Variants in MAMDC2 observed in about 807,000 individuals in gnomAD.
MAMDC2 encodes MAM domain containing 2.
A neutral mutation model predicts 89.8 loss-of-function variants in MAMDC2; 57 were observed. That is an observed-to-expected ratio of 0.63 (90% CI 0.51 to 0.79). The LOEUF (loss-of-function observed/expected upper bound fraction) is 0.79. Among genes scored for constraint, MAMDC2 ranks in the 30% least tolerant of loss-of-function variants. The probability of loss-of-function intolerance (pLI) is 0.00; values close to 1 mark genes in which losing one functional copy is unlikely to be tolerated. For missense variants in MAMDC2, 800 were observed against 820.6 expected (o/e 0.97, Z 0.31); for synonymous variants, 313 against 293.4 (o/e 1.07, Z -0.68).
At chr9:70,212,428 A>G (rs938669526) in intron 11 of MAMDC2, among the ~76,000 whole-genome samples, 2 of 152,262 alleles carry the variant, frequency 1.3e-5, no homozygotes, top group Admixed American at 1.3e-4. Flanking sequence ...CCTCTGAGCC[A>G]GGCACGGGAT....
chr9:70,192,448 C>A (rs1386833190), intron 11 of MAMDC2, among the ~76,000 whole-genome samples: 1 of 152,108 alleles, frequency 6.6e-6, no homozygotes, highest in Admixed American at 6.6e-5. Flanking sequence ...ACAACATATT[C>A]TTCTGTTGAT....
chr9:70,170,108 G>A (rs2032287641), intron 10 of MAMDC2: 1 of 171,792 alleles, frequency 5.8e-6, no homozygotes, highest in Non-Finnish European at 1.2e-5. Context: ...CAGGATTTCT[G>A]AAGAAAGTGC....
chr9:70,096,256 G>A (rs953997347), intron 2 of MAMDC2, among the ~76,000 whole-genome samples: 5 of 151,070 alleles, frequency 3.3e-5, no homozygotes, highest in African/African-American at 7.4e-5. Context: ...GGGCCCAAAC[G>A]ATTCTCCCAC....
chr9:70,046,479 C>T (rs531734176), intron 2 of MAMDC2, among the ~76,000 whole-genome samples: 1 of 152,196 alleles, frequency 6.6e-6, no homozygotes, highest in Non-Finnish European at 1.5e-5. Flanking sequence ...AAGCCAGGAG[C>T]CTTAGTTAGT....
intron 11 of MAMDC2, among the ~76,000 whole-genome samples, chr9:70,207,692 A>G (rs1255017701): frequency 6.6e-6 from 1 of 152,194 alleles, no homozygotes; most frequent in East Asian, 1.9e-4. Flanking sequence ...TGTTTTCGAC[A>G]TGAAGTCCTT....
intron 2 of MAMDC2, among the ~76,000 whole-genome samples, chr9:70,051,653 T>G (rs562282415): frequency 6.6e-6 from 1 of 152,304 alleles, no homozygotes; most frequent in African/African-American, 2.4e-5. Flanking sequence ...TTAGTAGAGG[T>G]GATGGGTATC....
chr9:70,055,782 G>A (rs1587429190), intron 2 of MAMDC2, among the ~76,000 whole-genome samples: 1 of 152,220 alleles, frequency 6.6e-6, no homozygotes, highest in East Asian at 1.9e-4. Context: ...AATCTTGGAA[G>A]AGAACTTCAG....
chr9:70,182,841 C>T (rs1256774360), intron 11 of MAMDC2, among the ~76,000 whole-genome samples: 1 of 152,124 alleles, frequency 6.6e-6, no homozygotes. Flanking sequence ...ACTTTCATGT[C>T]TCTATCTCCT....
At chr9:70,098,525 G>A (rs1828084393) in intron 2 of MAMDC2, among the ~76,000 whole-genome samples, 1 of 152,180 alleles carries the variant, frequency 6.6e-6, no homozygotes, top group Non-Finnish European at 1.5e-5. Context: ...TTGAGGCACT[G>A]CAGTAGAAAA....
intron 7 of MAMDC2, among the ~76,000 whole-genome samples, chr9:70,136,900 C>A (rs972360896): frequency 6.6e-6 from 1 of 152,146 alleles, no homozygotes; most frequent in African/African-American, 2.4e-5. Flanking sequence ...TCATTTTTCA[C>A]AGACTTTATC....
chr9:70,050,278 A>G (rs192118018), intron 2 of MAMDC2, among the ~76,000 whole-genome samples: 1 of 152,360 alleles, frequency 6.6e-6, no homozygotes, highest in African/African-American at 2.4e-5. Flanking sequence ...TATTTGTTGA[A>G]TGAAAGAACC....
At chr9:70,091,590 G>A (rs1230237552) in intron 2 of MAMDC2, among the ~76,000 whole-genome samples, 1 of 152,152 alleles carries the variant, frequency 6.6e-6, no homozygotes, top group African/African-American at 2.4e-5. Flanking sequence ...ATTTTTAATT[G>A]CTTAATTTGG....
chr9:70,058,460 T>C (rs918958198), intron 2 of MAMDC2, among the ~76,000 whole-genome samples: 2 of 152,238 alleles, frequency 1.3e-5, no homozygotes, highest in African/African-American at 4.8e-5. Flanking sequence ...ATAACCCATA[T>C]GGAGTGGTTT....
intron 11 of MAMDC2, among the ~76,000 whole-genome samples, chr9:70,189,428 G>A (rs2032831387): frequency 6.6e-6 from 1 of 152,058 alleles, no homozygotes; most frequent in Admixed American, 6.6e-5. Flanking sequence ...TGTATATAAT[G>A]AGTCACTTTT....
chr9:70,107,305 C>G (rs1012008635), intron 2 of MAMDC2, among the ~76,000 whole-genome samples: 2 of 151,872 alleles, frequency 1.3e-5, no homozygotes, highest in African/African-American at 4.8e-5. Context: ...CAGCAGAAAG[C>G]ACTTGTCGAT....
chr9:70,045,776 A>T (rs1826735658), intron 2 of MAMDC2, among the ~76,000 whole-genome samples: 1 of 152,204 alleles, frequency 6.6e-6, no homozygotes, highest in Admixed American at 6.5e-5. Flanking sequence ...AATCTCAGCC[A>T]TAGAATATTC....
intron 2 of MAMDC2, among the ~76,000 whole-genome samples, chr9:70,103,778 T>C (rs1828260099): frequency 6.6e-6 from 1 of 152,014 alleles, no homozygotes; most frequent in African/African-American, 2.4e-5. Context: ...GCTCAGGAGT[T>C]CGAGACCAGT....
chr9:70,181,232 C>A (rs1563989706), intron 11 of MAMDC2, among the ~76,000 whole-genome samples: 1 of 152,136 alleles, frequency 6.6e-6, no homozygotes, highest in Non-Finnish European at 1.5e-5. Flanking sequence ...GGCACCAGTA[C>A]CATGCTGTTT....
chr9:70,088,603 C>A (rs773133278), intron 2 of MAMDC2: 1 of 151,186 alleles, frequency 6.6e-6, no homozygotes, highest in Non-Finnish European at 1.5e-5. Context: ...TTTCAGGGGG[C>A]ATGTGGCCAT....
Sources: gnomAD v4.1 joint callset for allele counts (sites outside exome capture counted in the v4.1 genomes callset) on GRCh38, gnomAD v4.1.1 for gene constraint, MANE v1.5 for transcripts, NCBI Gene and HGNC (gene_info 2026-07-23, HGNC 2026-07-21) for gene names.